LRRC75A: variants seen among roughly 807,000 people sequenced by gnomAD.
The protein encoded by LRRC75A is leucine rich repeat containing 75A, also known as leucine-rich repeat-containing protein 75A.
In LRRC75A, 12 loss-of-function variants were observed where a neutral mutation model predicts 26.0. The ratio of observed to expected loss-of-function variants is 0.46; its 90% CI spans 0.30 to 0.75. The LOEUF (loss-of-function observed/expected upper bound fraction) is 0.75, where lower values mean the gene tolerates loss of function less well. Ranked by LOEUF, LRRC75A falls within the 30% of genes least tolerant of loss-of-function variation. The probability of loss-of-function intolerance (pLI) is 0.08; values close to 1 mark genes in which losing one functional copy is unlikely to be tolerated. For missense variants in LRRC75A, 410 were observed against 486.6 expected, an observed-to-expected ratio of 0.84 and a Z score of 1.48; for synonymous variants, 223 against 219.3, an observed-to-expected ratio of 1.02 and a Z score of -0.15.
chr17:16,458,675 G>A (rs561560178), intron 2 of LRRC75A, among the ~76,000 whole-genome samples: 14 of 152,034 alleles, frequency 9.2e-5, no homozygotes, highest in Non-Finnish European at 2.1e-4. Context: ...ATGTTGGTCA[G>A]GCTGGTCTCG....
In LRRC75A at chr17:16,442,039, A is replaced by G. The variant is rs2093531865; in HGVS notation, c.*1549T>C. 1 of 152,442 alleles carries G rather than the reference A, an allele frequency of 6.6e-6. No individual in the cohort carries two copies. The highest frequency in any genetic ancestry group is 1.5e-5 in the Non-Finnish European group (1 of 68,226). The allele number at this position is 152,442 out of a possible 1,614,324, so 9.4% of individuals were successfully genotyped here. A position where few individuals can be genotyped will look rare whatever the true frequency, so the allele number is the denominator to read the frequency against. On this transcript the variant is annotated 3_prime_UTR_variant, in exon 4 of 4. Transcript: ENST00000470794. ...GTCAATTCTTGAAAATGTGTATTTG[A>G]AGAAAAAGTAAATTTCGCCTACTGT...
chr17:16,456,315 A>C (rs62076298), intron 2 of LRRC75A, among the ~76,000 whole-genome samples: 1 of 76,540 alleles, frequency 1.3e-5, no homozygotes, highest in Non-Finnish European at 2.6e-5. Flanking sequence ...AGGAGGAGGA[A>C]GAGGAGAAGA....
At chr17:16,456,192 AAGGAGG>A (rs1277442447) in intron 2 of LRRC75A, among the ~76,000 whole-genome samples, 1 of 96,714 alleles carries the variant, frequency 1.0e-5, no homozygotes, top group African/African-American at 4.5e-5. Context: ...GAAGAGGAGG[AAGGAGG>A]AGGAAGAGGA....
intron 1 of LRRC75A, among the ~76,000 whole-genome samples, chr17:16,471,657 G>T (rs1162731410): frequency 6.6e-6 from 1 of 152,194 alleles, no homozygotes; most frequent in Non-Finnish European, 1.5e-5. Flanking sequence ...GTACTAGTCA[G>T]AAATGCTTCC....
chr17:16,454,509 T>C (rs1419014912), intron 2 of LRRC75A, among the ~76,000 whole-genome samples: 1 of 151,510 alleles, frequency 6.6e-6, no homozygotes, highest in Non-Finnish European at 1.5e-5. Context: ...CTGACCAACA[T>C]GGAGAAACCC....
chr17:16,488,690 T>G (rs529004405), intron 1 of LRRC75A, among the ~76,000 whole-genome samples: 3 of 152,298 alleles, frequency 2.0e-5, no homozygotes, highest in African/African-American at 7.2e-5. Flanking sequence ...TACACTTATC[T>G]TAAAGGGAAG....
At chr17:16,486,875 G>A (rs1568988620) in intron 1 of LRRC75A, among the ~76,000 whole-genome samples, 1 of 152,230 alleles carries the variant, frequency 6.6e-6, no homozygotes, top group Non-Finnish European at 1.5e-5. Flanking sequence ...GCCGTAGCTG[G>A]GGAATCCAAG....
intron 1 of LRRC75A, among the ~76,000 whole-genome samples, chr17:16,484,781 C>T (rs1436673531): frequency 6.6e-6 from 1 of 152,124 alleles, no homozygotes; most frequent in Non-Finnish European, 1.5e-5. Context: ...GAGCGAGGGG[C>T]AGCTCTGAAG....
rs116974403 is a variant in LRRC75A, at chr17:16,452,267, G to A, written c.376-4307C>T. 1.5e-4 allele frequency among the ~76,000 whole-genome samples: 23 copies of A among 150,796 alleles called. No individual in the cohort carries two copies. In the East Asian group the frequency reaches 2.9e-3, roughly 19 times the overall value. On this transcript the variant is annotated intron_variant, in intron 2 of 3. Transcript: ENST00000470794. Reference sequence around the variant, plus strand: ...AGCTACCCGGGAGGCTGAGGTAGGAGGCTCTTGAGCCCCGAAAGTGAAGGC... The same window carrying A: ...AGCTACCCGGGAGGCTGAGGTAGGAAGCTCTTGAGCCCCGAAAGTGAAGGC...
At chr17:16,459,369 G>A (rs575628449) in intron 2 of LRRC75A, among the ~76,000 whole-genome samples, 3 of 152,312 alleles carry the variant, frequency 2.0e-5, no homozygotes, top group South Asian at 4.1e-4. Flanking sequence ...CTCAGAGGCC[G>A]TAGGCTCAGT....
intron 3 of LRRC75A, among the ~76,000 whole-genome samples, chr17:16,444,912 G>C (rs565627020): frequency 5.5e-5 from 8 of 145,164 alleles, no homozygotes; most frequent in African/African-American, 1.8e-4. Flanking sequence ...ACAATGGCAC[G>C]ATCTTGGTTC....
In LRRC75A at chr17:16,492,056, C is replaced by T. The variant is rs1195671970; in HGVS notation, c.-66G>A. On this transcript the variant is annotated 5_prime_UTR_variant, in exon 1 of 4. Transcript: ENST00000470794. ...GGCCGCGTCCCCGCCAACCGCCCGCCCCTCGGCCGCCCGTGCGCGCTCGCC... is the reference window on the plus strand; with the variant it reads ...GGCCGCGTCCCCGCCAACCGCCCGCTCCTCGGCCGCCCGTGCGCGCTCGCC... 4 of 1,076,504 alleles carry T rather than the reference C, an allele frequency of 3.7e-6. No individual in the cohort carries two copies. In the African/African-American group the frequency reaches 5.1e-5, roughly 14 times the overall value. The allele number at this position is 1,076,504 out of a possible 1,614,324, so 66.7% of individuals were successfully genotyped here.
chr17:16,454,024 C>A (rs941928432), intron 2 of LRRC75A, among the ~76,000 whole-genome samples: 1 of 152,196 alleles, frequency 6.6e-6, no homozygotes. Context: ...CTCGGCCTAT[C>A]ACCATTAGAT....
chr17:16,480,213 G>T (rs1008198102), intron 1 of LRRC75A, among the ~76,000 whole-genome samples: 7 of 152,256 alleles, frequency 4.6e-5, no homozygotes, highest in Non-Finnish European at 8.8e-5. Context: ...ATATTACAAT[G>T]CGGTAATAAC....
Position 16,441,706 on chromosome 17 carries a change from G to GAT in LRRC75A, c.*1881_*1882insAT. ...CTCCCACCTTGTAGCTGGGACTACA[G>GAT]CTCACAGCACACCTGGCTAAAATTT... On this transcript the variant is annotated 3_prime_UTR_variant, in exon 4 of 4. Transcript: ENST00000470794. 2 of 267,008 alleles carry GAT rather than the reference G, an allele frequency of 7.5e-6. No individual in the cohort carries two copies. Among genetic ancestry groups the GAT allele is most frequent in the South Asian group, 3.5e-5 (1 of 28,686 alleles). 16.5% of individuals were successfully genotyped at this position (267,008 alleles called of 1,614,324 possible). A position where few individuals can be genotyped will look rare whatever the true frequency, so the allele number is the denominator to read the frequency against.
chr17:16,481,704 T>C (rs951095605), intron 1 of LRRC75A, among the ~76,000 whole-genome samples: 5 of 151,958 alleles, frequency 3.3e-5, no homozygotes, highest in Admixed American at 6.6e-5. Flanking sequence ...ACATGTCTCC[T>C]CCCCGAGCCC....
intron 1 of LRRC75A, among the ~76,000 whole-genome samples, chr17:16,466,911 G>A (rs527582252): frequency 1.6e-4 from 24 of 152,256 alleles, no homozygotes; most frequent in African/African-American, 5.5e-4. Flanking sequence ...CATTTTAGGG[G>A]TGCTGTGGGG....
At chr17:16,468,138 T>C (rs184121774) in intron 1 of LRRC75A, among the ~76,000 whole-genome samples, 1 of 152,324 alleles carries the variant, frequency 6.6e-6, no homozygotes, top group East Asian at 1.9e-4. Flanking sequence ...GCAGCCACCA[T>C]GGAAAATGGT....
intron 1 of LRRC75A, among the ~76,000 whole-genome samples, chr17:16,474,153 C>A (rs1352130046): frequency 7.3e-6 from 1 of 137,224 alleles, no homozygotes; most frequent in Non-Finnish European, 1.5e-5. Flanking sequence ...CATGGCTCTG[C>A]CCACACGTGG....
Sources: gnomAD v4.1 joint callset for allele counts (sites outside exome capture counted in the v4.1 genomes callset) on GRCh38, gnomAD v4.1.1 for gene constraint, MANE v1.5 for transcripts, NCBI Gene and HGNC (gene_info 2026-07-23, HGNC 2026-07-21) for gene names.